The following PCLO variants were observed in gnomAD, a reference collection of about 807,000 sequenced individuals.
PCLO encodes piccolo presynaptic cytomatrix protein.
Under a neutral mutation model 427.5 loss-of-function variants are expected in PCLO, and 82 were observed. That is an observed-to-expected ratio of 0.19 (90% CI 0.16 to 0.23). The LOEUF is 0.23. Ranked by LOEUF, PCLO falls within the 10% of genes least tolerant of loss-of-function variation. The probability of loss-of-function intolerance (pLI) is 1.00; values close to 1 mark genes in which losing one functional copy is unlikely to be tolerated. For synonymous variants in PCLO, 2,357 were observed against 2,155.4 expected, an observed-to-expected ratio of 1.09 and a Z score of -2.59; for missense variants, 6,239 against 6,115.9, an observed-to-expected ratio of 1.02 and a Z score of -0.67.
chr7:83,158,038 A>C (rs555178878), intron 1 of PCLO, among the ~76,000 whole-genome samples: 4 of 152,226 alleles, frequency 2.6e-5, no homozygotes, highest in African/African-American at 9.6e-5. Context: ...AGACGCAAAG[A>C]AGCATTACTT....
chr7:83,100,749 C>A (rs1255223522), intron 3 of PCLO, among the ~76,000 whole-genome samples: 1 of 151,854 alleles, frequency 6.6e-6, no homozygotes, highest in Non-Finnish European at 1.5e-5. Flanking sequence ...TATAATAAAC[C>A]CCCACAACAC....
intron 2 of PCLO, among the ~76,000 whole-genome samples, chr7:83,144,899 T>A (rs1472084583): frequency 6.6e-6 from 1 of 152,120 alleles, no homozygotes; most frequent in Non-Finnish European, 1.5e-5. Context: ...TTCATAAGAG[T>A]TGTTTTAAGT....
At chr7:82,941,612 T>G (rs114379099) in intron 6 of PCLO, among the ~76,000 whole-genome samples, 4,193 of 152,276 alleles carry the variant, frequency 0.028, 198 homozygotes, top group African/African-American at 0.097. Context: ...TGAAAATATT[T>G]TATTAGTTAT....
Position 82,824,295 on chromosome 7 carries a change from G to A in PCLO, c.14537C>T (p.Ser4846Phe), listed in dbSNP as rs763171161. 16 of 1,613,432 alleles carry A rather than the reference G, an allele frequency of 9.9e-6. No homozygotes were observed. In the East Asian group the frequency reaches 2.5e-4, roughly 25 times the overall value. ...KSHSSQSSQQSPKPSVIKSRS... is the reference protein window; with the variant it reads ...KSHSSQSSQQFPKPSVIKSRS... ...GCTTTTGATAACAGATGGCTTTGGG[G>A]ACTGCTGGCTGCTCTGACTGGAATG... is the stretch of plus-strand genomic sequence containing the variant. The change falls in exon 19 of 25, where the codon TCC becomes TTC. Residue 4846 changes from serine (S) to phenylalanine (F), a missense_variant. This residue lies in a region of PCLO where 877 missense variants were observed against 925.5 expected (regional missense o/e 0.95). Coordinates refer to ENST00000333891, the MANE Select transcript of PCLO (RefSeq NM_033026.6).
chr7:82,806,509 C>T (rs532913076), intron 20 of PCLO, among the ~76,000 whole-genome samples: 10 of 151,960 alleles, frequency 6.6e-5, no homozygotes, highest in Non-Finnish European at 1.5e-4. Context: ...CAAATTTGTG[C>T]AATAAATTAT....
At chr7:83,054,078 C>A (rs1789318647) in intron 3 of PCLO, among the ~76,000 whole-genome samples, 1 of 151,798 alleles carries the variant, frequency 6.6e-6, no homozygotes, top group Non-Finnish European at 1.5e-5. Context: ...AACTTTGGTT[C>A]AAAAATTTTC....
chr7:83,136,143 C>A (rs1329724060), intron 2 of PCLO, among the ~76,000 whole-genome samples: 1 of 151,742 alleles, frequency 6.6e-6, no homozygotes, highest in Non-Finnish European at 1.5e-5. Flanking sequence ...GACTAAAGTA[C>A]CCTATATTAA....
At chr7:83,107,986 T>TAA (rs58192300) in intron 3 of PCLO, among the ~76,000 whole-genome samples, 63 of 95,368 alleles carry the variant, frequency 6.6e-4, no homozygotes, top group Admixed American at 8.4e-4. Flanking sequence ...AGACTCCGTC[T>TAA]AAAAAAAAAA....
chr7:83,081,614 T>C (rs569630020), intron 3 of PCLO, among the ~76,000 whole-genome samples: 1 of 152,052 alleles, frequency 6.6e-6, no homozygotes, highest in Admixed American at 6.6e-5. Context: ...TAAACAAATA[T>C]TGAAGTTAAC....
At chr7:83,144,358 T>C (rs929760611) in intron 2 of PCLO, among the ~76,000 whole-genome samples, 3 of 125,562 alleles carry the variant, frequency 2.4e-5, no homozygotes, top group African/African-American at 6.2e-5. Context: ...GAAGCAGAGG[T>C]TGCAGTGAGC....
intron 20 of PCLO, chr7:82,821,143 C>G: frequency 9.8e-7 from 1 of 1,017,670 alleles, no homozygotes; most frequent in Non-Finnish European, 1.2e-6. Context: ...CATCAGACAT[C>G]ACCTTCCTGA....
intron 3 of PCLO, among the ~76,000 whole-genome samples, chr7:83,091,954 G>A (rs1265010833): frequency 6.6e-6 from 1 of 152,146 alleles, no homozygotes; most frequent in African/African-American, 2.4e-5. Context: ...ACCACTTGAA[G>A]AGGTATGGAA....
intron 16 of PCLO, among the ~76,000 whole-genome samples, chr7:82,830,466 T>A (rs953779977): frequency 2.0e-4 from 30 of 151,934 alleles, no homozygotes; most frequent in Non-Finnish European, 3.7e-4. Context: ...AATTTGATAG[T>A]GACATAGAAA....
chr7:82,821,949 T>A, intron 20 of PCLO: 1 of 985,498 alleles, frequency 1.0e-6, no homozygotes, highest in Non-Finnish European at 1.2e-6. Context: ...AATTTGTTAG[T>A]GTTTTAAAGC....
intron 9 of PCLO, among the ~76,000 whole-genome samples, chr7:82,881,146 G>T (rs1282920460): frequency 1.3e-5 from 2 of 152,188 alleles, no homozygotes; most frequent in African/African-American, 4.8e-5. Context: ...GGAGGCCAAG[G>T]TGGGAGGATT....
At chr7:83,043,157 T>C (rs1202653470) in intron 3 of PCLO, among the ~76,000 whole-genome samples, 1 of 152,048 alleles carries the variant, frequency 6.6e-6, no homozygotes, top group African/African-American at 2.4e-5. Context: ...CTCCAGACAT[T>C]CCCAAATATC....
At chr7:82,904,474 A>T (rs1794135800) in intron 8 of PCLO, among the ~76,000 whole-genome samples, 1 of 152,018 alleles carries the variant, frequency 6.6e-6, no homozygotes, top group African/African-American at 2.4e-5. Context: ...TGTTAGGTGT[A>T]ACTGAACTTT....
intron 18 of PCLO, among the ~76,000 whole-genome samples, chr7:82,824,876 G>A (rs1031231271): frequency 4.6e-5 from 7 of 152,052 alleles, no homozygotes; most frequent in Non-Finnish European, 7.4e-5. Flanking sequence ...ATGAACCCAG[G>A]AGGCAGAGCT....
intron 3 of PCLO, among the ~76,000 whole-genome samples, chr7:83,120,681 T>C (rs1791254453): frequency 1.3e-5 from 2 of 151,610 alleles, no homozygotes; most frequent in South Asian, 4.2e-4. Flanking sequence ...CAGGAGAGAG[T>C]AGCATGACAT....
Sources: gnomAD v4.1 joint callset for allele counts (sites outside exome capture counted in the v4.1 genomes callset) on GRCh38, gnomAD v4.1.1 for gene constraint, gnomAD v4.1.1 regional missense constraint, MANE v1.5 for transcripts, NCBI Gene and HGNC (gene_info 2026-07-23, HGNC 2026-07-21) for gene names.